SHC3: variants seen among roughly 807,000 people sequenced by gnomAD.
The protein encoded by SHC3 is SHC-transforming protein 3.
A neutral mutation model predicts 60.4 loss-of-function variants in SHC3; 15 were observed. The ratio of observed to expected loss-of-function variants is 0.25; its 90% CI spans 0.17 to 0.38. The LOEUF is 0.38. SHC3 is among the 10% of genes least tolerant of loss of function. The pLI, the probability that SHC3 is intolerant of heterozygous loss-of-function variation, is 1.00. For synonymous variants in SHC3, 294 were observed against 325.9 expected, an observed-to-expected ratio of 0.90 and a Z score of 1.05; for missense variants, 677 against 786.1, an observed-to-expected ratio of 0.86 and a Z score of 1.66.
At chr9:89,160,699 T>C (rs1286350602) in intron 1 of SHC3, among the ~76,000 whole-genome samples, 1 of 152,182 alleles carries the variant, frequency 6.6e-6, no homozygotes, top group East Asian at 1.9e-4. Context: ...TAATGATCTC[T>C]CATGGCTGTC....
rs1292810158 is a variant in SHC3, at chr9:89,046,848, G to A, written c.1109C>T (p.Ala370Val). Residue 370 changes from alanine to valine, a missense_variant, in exon 8 of 12, where the codon GCC becomes GTC. Transcript: ENST00000375835. Reference sequence around the variant, plus strand: ...GAAAAAAACTATAAGACTTACCTGGGCTGTGTCAGGAGCATGGGGTCTGGG... The same window carrying A: ...GAAAAAAACTATAAGACTTACCTGGACTGTGTCAGGAGCATGGGGTCTGGG... ...LKPRPHAPDT[A>V]QFAGKEQTYY... 1.9e-6 allele frequency: 3 copies of A among 1,592,246 alleles called. No homozygotes were observed. The highest frequency in any genetic ancestry group is 2.6e-6 in the Non-Finnish European group (3 of 1,171,038).
intron 3 of SHC3, among the ~76,000 whole-genome samples, chr9:89,076,131 T>C (rs745531013): frequency 2.6e-5 from 4 of 151,656 alleles, no homozygotes; most frequent in Non-Finnish European, 5.9e-5. Flanking sequence ...AAGAGAACCA[T>C]GAGGATGCCC....
chr9:89,175,217 A>T (rs1172341392), intron 1 of SHC3, among the ~76,000 whole-genome samples: 1 of 152,244 alleles, frequency 6.6e-6, no homozygotes, highest in African/African-American at 2.4e-5. Flanking sequence ...GGGAGTAAAA[A>T]GGTGCTGCCA....
chr9:89,106,978 C>T (rs539579511), intron 2 of SHC3, among the ~76,000 whole-genome samples: 13 of 152,098 alleles, frequency 8.5e-5, no homozygotes, highest in Non-Finnish European at 1.2e-4. Context: ...GGTGTTCTAA[C>T]GGCAGGAAGG....
chr9:89,094,520 C>T (rs778923531), intron 2 of SHC3, among the ~76,000 whole-genome samples: 9 of 152,224 alleles, frequency 5.9e-5, no homozygotes, highest in Admixed American at 2.0e-4. Context: ...GAAGTAATAA[C>T]AGCCACAATT....
In SHC3 at chr9:89,081,065, C is replaced by T. The variant is rs371860300; in HGVS notation, c.546-3162G>A. On this transcript the variant is annotated intron_variant, in intron 2 of 11. Transcript: ENST00000375835. Reference sequence around the variant, plus strand: ...ACAAGCATGAGCCACCACGCCTGGCCGGGAAGAATATTTTAAAATTATCTT... The same window carrying T: ...ACAAGCATGAGCCACCACGCCTGGCTGGGAAGAATATTTTAAAATTATCTT... Among the ~76,000 whole-genome samples the T allele has an allele frequency of 1.1e-4, 17 of 151,766 alleles. No individual in the cohort carries two copies. In the East Asian group the frequency reaches 2.9e-3, roughly 26 times the overall value.
At chr9:89,045,984 A>G (rs768010762) in intron 8 of SHC3, 151 bp from the exon 9 acceptor site, 50 of 672,844 alleles carry the variant, frequency 7.4e-5, no homozygotes, top group Non-Finnish European at 1.1e-4. Flanking sequence ...CATGGTTGGC[A>G]TTAAGATTTG....
intron 2 of SHC3, among the ~76,000 whole-genome samples, chr9:89,094,413 G>A (rs1248575924): frequency 2.0e-5 from 3 of 152,196 alleles, no homozygotes; most frequent in Non-Finnish European, 4.4e-5. Context: ...CTAAGGCTGG[G>A]TGGAAGGAAG....
At chr9:89,049,208 C>T (rs1412265866) in intron 7 of SHC3, among the ~76,000 whole-genome samples, 3 of 152,306 alleles carry the variant, frequency 2.0e-5, no homozygotes, top group Non-Finnish European at 4.4e-5. Flanking sequence ...TTGCAGTGAG[C>T]CAAGATCGCG....
chr9:89,068,997 T>C (rs1031725528), intron 5 of SHC3, among the ~76,000 whole-genome samples: 4 of 152,178 alleles, frequency 2.6e-5, no homozygotes, highest in Admixed American at 1.3e-4. Context: ...GACATACACA[T>C]ATAGACAGCA....
intron 1 of SHC3, among the ~76,000 whole-genome samples, chr9:89,129,267 A>T (rs1199682838): frequency 6.6e-6 from 1 of 152,210 alleles, no homozygotes; most frequent in Non-Finnish European, 1.5e-5. Flanking sequence ...TGAAAAGACC[A>T]AATCTACCTC....
intron 11 of SHC3, among the ~76,000 whole-genome samples, chr9:89,024,772 G>A (rs1160050757): frequency 6.6e-6 from 1 of 152,238 alleles, no homozygotes; most frequent in Non-Finnish European, 1.5e-5. Flanking sequence ...TCTGAGCAGG[G>A]AATGGACATC....
intron 11 of SHC3, among the ~76,000 whole-genome samples, chr9:89,026,810 T>C (rs1403995540): frequency 6.6e-6 from 1 of 152,236 alleles, no homozygotes; most frequent in African/African-American, 2.4e-5. Context: ...CTTGAATCCC[T>C]GCACACCTGG....
In SHC3 at chr9:89,011,382, T is replaced by C. The variant is rs566797752; in HGVS notation, c.*2065A>G. The C allele has an allele frequency of 1.3e-5, 2 of 152,350 alleles. No homozygotes were observed. The highest frequency in any genetic ancestry group is 4.8e-5 in the African/African-American group (2 of 41,560). 9.4% of individuals were successfully genotyped at this position (152,350 alleles called of 1,614,324 possible). A position where few individuals can be genotyped will look rare whatever the true frequency, so the allele number is the denominator to read the frequency against. On this transcript the variant is annotated 3_prime_UTR_variant, in exon 12 of 12. Coordinates refer to ENST00000375835, the MANE Select transcript of SHC3 (RefSeq NM_016848.6). ...CTAACTTGCATTTCCTACTTTGCTA[T>C]TGTCCCTGAATGTTATAATAGCATT...
chr9:89,175,487 AC>A (rs1361661025), intron 1 of SHC3, among the ~76,000 whole-genome samples: 1 of 152,262 alleles, frequency 6.6e-6, no homozygotes, highest in Non-Finnish European at 1.5e-5. Context: ...TCTGTATTTT[AC>A]AGTCCCTGTT....
rs541860826 is a variant in SHC3 at position 89,120,127 on chromosome 9, T to C, written c.475-7501A>G. Reference sequence around the variant, plus strand: ...TACACAAATATAAACGCTAAAATGGTTAAAGAGCCAAACCTAAGAAACAAG... The same window carrying C: ...TACACAAATATAAACGCTAAAATGGCTAAAGAGCCAAACCTAAGAAACAAG... On this transcript the variant is annotated intron_variant, in intron 1 of 11. Transcript: ENST00000375835. 2.4e-4 allele frequency among the ~76,000 whole-genome samples: 37 copies of C among 152,178 alleles called. No homozygotes were observed. The South Asian group carries it at 7.5e-3, about 31-fold the overall frequency.
rs1018242484 is a variant in SHC3, at chr9:89,012,648, A to G, written c.*799T>C. 6.6e-6 allele frequency: 1 copy of G among 152,220 alleles called. No individual in the cohort carries two copies. Among genetic ancestry groups the G allele is most frequent in the Non-Finnish European group, 1.5e-5 (1 of 68,050 alleles). 9.4% of individuals were successfully genotyped at this position (152,220 alleles called of 1,614,324 possible). On this transcript the variant is annotated 3_prime_UTR_variant, in exon 12 of 12. Transcript: ENST00000375835. ...AAATACCCATTTTAGCATTAGATAC[A>G]TGAGAACAGGGAAGCACTTGTCAAT...
chr9:89,097,741 T>C (rs1328816798), intron 2 of SHC3, among the ~76,000 whole-genome samples: 1 of 152,246 alleles, frequency 6.6e-6, no homozygotes, highest in African/African-American at 2.4e-5. Context: ...CACCAGAGGA[T>C]GCCTCCCAGT....
intron 1 of SHC3, among the ~76,000 whole-genome samples, chr9:89,155,876 G>T (rs1036217665): frequency 6.6e-6 from 1 of 152,172 alleles, no homozygotes; most frequent in African/African-American, 2.4e-5. Context: ...GAAGAAAATT[G>T]TCCCTATTAA....
Sources: gnomAD v4.1 joint callset for allele counts (sites outside exome capture counted in the v4.1 genomes callset) on GRCh38, gnomAD v4.1.1 for gene constraint, MANE v1.5 for transcripts, NCBI Gene and HGNC (gene_info 2026-07-23, HGNC 2026-07-21) for gene names.